ZMAT5: variants seen among roughly 807,000 people sequenced by gnomAD.
ZMAT5 encodes zinc finger matrin-type protein 5.
Under a neutral mutation model 28.0 loss-of-function variants are expected in ZMAT5, and 23 were observed. The ratio of observed to expected loss-of-function variants is 0.82; its 90% CI spans 0.59 to 1.16. ZMAT5 has a LOEUF of 1.16. Among genes scored for constraint, ZMAT5 ranks in the 50% most tolerant of loss-of-function variants. The pLI, the probability that ZMAT5 is intolerant of heterozygous loss-of-function variation, is 0.00. For missense variants in ZMAT5, 173 were observed against 212.7 expected (o/e 0.81, Z 1.16); for synonymous variants, 76 against 84.1 (o/e 0.90, Z 0.52).
At chr22:29,740,814 A>G (rs1188836330) in intron 3 of ZMAT5, 84 bp from the exon 4 acceptor site, 24 of 1,276,976 alleles carry the variant, frequency 1.9e-5, no homozygotes, top group Non-Finnish European at 2.7e-5. Flanking sequence ...GGATCCCAGA[A>G]TCTTAGGGGC....
chr22:29,745,622 CCT>C (rs2068002395), intron 2 of ZMAT5, among the ~76,000 whole-genome samples: 2 of 152,322 alleles, frequency 1.3e-5, no homozygotes, highest in South Asian at 2.1e-4. Context: ...TTACTGAGCC[CCT>C]GTCATAGCCC....
intron 1 of ZMAT5, among the ~76,000 whole-genome samples, chr22:29,766,173 G>A (rs766262678): frequency 2.2e-4 from 33 of 152,138 alleles, no homozygotes; most frequent in Non-Finnish European, 4.0e-4. Flanking sequence ...AAGAAAACAA[G>A]ACTCCGTAAG....
chr22:29,748,758 C>A (rs1042870411), intron 1 of ZMAT5, among the ~76,000 whole-genome samples, 187 bp from the exon 2 acceptor site: 1 of 152,246 alleles, frequency 6.6e-6, no homozygotes, highest in Admixed American at 6.5e-5. Flanking sequence ...GTTAACCATT[C>A]TGATGCCCAG....
intron 1 of ZMAT5, among the ~76,000 whole-genome samples, chr22:29,753,071 T>G (rs564922862): frequency 6.6e-6 from 1 of 151,992 alleles, no homozygotes; most frequent in African/African-American, 2.4e-5. Flanking sequence ...ACCAGCTATC[T>G]CTGCATTTCT....
At chr22:29,745,346 G>A (rs183759889) in intron 2 of ZMAT5, among the ~76,000 whole-genome samples, 1 of 152,334 alleles carries the variant, frequency 6.6e-6, no homozygotes, top group Non-Finnish European at 1.5e-5. Flanking sequence ...CAGGGTGGCT[G>A]CAGCTGGAAG....
chr22:29,734,343 C>T lies in ZMAT5; in HGVS notation c.384-2989G>A, dbSNP rs560575765. On this transcript the variant is annotated intron_variant, in intron 5 of 5. Coordinates refer to ENST00000344318, the MANE Select transcript of ZMAT5 (RefSeq NM_001003692.2). ...CACTGGAGAGGCTCAGCTCAGCCAG[C>T]GGAGGTTGGAGCCCGCAGGTCTCGG... Among the ~76,000 whole-genome samples the T allele has an allele frequency of 2.6e-5, 4 of 152,310 alleles. No homozygotes were observed. The East Asian group carries it at 5.8e-4, about 22-fold the overall frequency.
intron 1 of ZMAT5, among the ~76,000 whole-genome samples, chr22:29,754,179 C>T (rs1224342956): frequency 6.6e-6 from 1 of 152,180 alleles, no homozygotes. Flanking sequence ...ACTAAGCTGG[C>T]CCCCTCTGCT....
chr22:29,748,551 T>C lies in ZMAT5; in HGVS notation c.-7A>G, dbSNP rs1158041666. 9.3e-6 allele frequency: 15 copies of C among 1,614,078 alleles called. No individual in the cohort carries two copies. The highest frequency in any genetic ancestry group is 1.2e-5 in the Non-Finnish European group (14 of 1,180,012). On this transcript the variant is annotated 5_prime_UTR_variant, in exon 2 of 6. Coordinates refer to ENST00000344318, the MANE Select transcript of ZMAT5 (RefSeq NM_001003692.2). ...AGAAGTATCGCTTCCCCATGGCCAC[T>C]CAGAGCAGGTGCTTTGCTGCCTGGG...
intron 3 of ZMAT5, 59 bp downstream of exon 3, chr22:29,742,359 T>C: frequency 6.4e-7 from 1 of 1,564,044 alleles, no homozygotes; most frequent in Non-Finnish European, 8.8e-7. Context: ...GAGGTCCAAG[T>C]GGGGCAGGCT....
intron 5 of ZMAT5, among the ~76,000 whole-genome samples, chr22:29,733,111 C>T (rs190938426): frequency 4.6e-5 from 7 of 152,338 alleles, no homozygotes; most frequent in South Asian, 2.1e-4. Flanking sequence ...GTGACACCCT[C>T]GGGATGAGGC....
At chr22:29,738,474 G>A (rs1000478546) in intron 4 of ZMAT5, 33 bp from the exon 5 acceptor site, 4 of 1,580,464 alleles carry the variant, frequency 2.5e-6, no homozygotes, top group Non-Finnish European at 3.5e-6. Flanking sequence ...GCAAGTGAGG[G>A]GTACACTCCT....
At chr22:29,735,688 C>T (rs1046048128) in intron 5 of ZMAT5, among the ~76,000 whole-genome samples, 1 of 152,156 alleles carries the variant, frequency 6.6e-6, no homozygotes, top group Admixed American at 6.5e-5. Flanking sequence ...TCCTCAGATG[C>T]AAAATGGGGG....
chr22:29,735,696 G>A (rs1196235913), intron 5 of ZMAT5, among the ~76,000 whole-genome samples: 2 of 152,150 alleles, frequency 1.3e-5, no homozygotes, highest in East Asian at 1.9e-4. Context: ...TGCAAAATGG[G>A]GGTGCCAATC....
At chr22:29,753,305 T>C (rs780236941) in intron 1 of ZMAT5, among the ~76,000 whole-genome samples, 15 of 152,160 alleles carry the variant, frequency 9.9e-5, no homozygotes, top group Non-Finnish European at 1.9e-4. Context: ...GGAGGGTGGA[T>C]AGTGAGGTCA....
At chr22:29,737,824 G>C (rs2067920467) in intron 5 of ZMAT5, among the ~76,000 whole-genome samples, 1 of 152,090 alleles carries the variant, frequency 6.6e-6, no homozygotes, top group Non-Finnish European at 1.5e-5. Context: ...CCTTCTACTT[G>C]TGAGCGTCCC....
intron 1 of ZMAT5, among the ~76,000 whole-genome samples, chr22:29,748,948 A>G (rs1239292987): frequency 6.6e-6 from 1 of 152,176 alleles, no homozygotes; most frequent in Non-Finnish European, 1.5e-5. Context: ...AAGTGCTGGG[A>G]TTACAGGCAT....
intron 1 of ZMAT5, among the ~76,000 whole-genome samples, chr22:29,748,860 G>A (rs906816952): frequency 6.6e-6 from 1 of 152,208 alleles, no homozygotes; most frequent in African/African-American, 2.4e-5. Context: ...CACCCAGGCT[G>A]GAGTGCAGTG....
At chr22:29,736,126 G>T (rs537725650) in intron 5 of ZMAT5, among the ~76,000 whole-genome samples, 8 of 152,346 alleles carry the variant, frequency 5.3e-5, no homozygotes, top group Admixed American at 5.2e-4. Context: ...TCCAAGTAGC[G>T]GTGCAGGGGC....
chr22:29,748,571 C>A lies in ZMAT5; in HGVS notation c.-27G>T. The A allele has an allele frequency of 6.2e-7, 1 of 1,613,278 alleles. No homozygotes were observed. The highest frequency in any genetic ancestry group is 8.5e-7 in the Non-Finnish European group (1 of 1,179,900). ...GCCACTCAGAGCAGGTGCTTTGCTG[C>A]CTGGGAAGCCACAAAGAGCTCAGAT... On this transcript the variant is annotated splice_region_variant and 5_prime_UTR_variant, in exon 2 of 6. Coordinates refer to ENST00000344318, the MANE Select transcript of ZMAT5 (RefSeq NM_001003692.2).
Sources: gnomAD v4.1 joint callset for allele counts (sites outside exome capture counted in the v4.1 genomes callset) on GRCh38, gnomAD v4.1.1 for gene constraint, MANE v1.5 for transcripts, NCBI Gene and HGNC (gene_info 2026-07-23, HGNC 2026-07-21) for gene names.